NUP88: variants seen among roughly 807,000 people sequenced by gnomAD.
NUP88 encodes nuclear pore complex protein Nup88.
A neutral mutation model predicts 93.9 loss-of-function variants in NUP88; 57 were observed. The ratio of observed to expected loss-of-function variants is 0.61; its 90% CI spans 0.49 to 0.76. The LOEUF is 0.76. Among genes scored for constraint, NUP88 ranks in the 30% least tolerant of loss-of-function variants. The pLI, the probability that NUP88 is intolerant of heterozygous loss-of-function variation, is 0.00. For synonymous variants in NUP88, 346 were observed against 336.8 expected, an observed-to-expected ratio of 1.03 and a Z score of -0.30; for missense variants, 911 against 901.0, an observed-to-expected ratio of 1.01 and a Z score of -0.14.
intron 5 of NUP88, among the ~76,000 whole-genome samples, chr17:5,405,698 G>C (rs1913451792): frequency 6.6e-6 from 1 of 152,166 alleles, no homozygotes; most frequent in Non-Finnish European, 1.5e-5. Flanking sequence ...GGTCACCTGT[G>C]AGATTTGCTA....
chr17:5,416,629 G>C lies in NUP88; in HGVS notation c.351C>G (p.Ser117Arg). The change falls in exon 2 of 17, where the codon AGC (serine) becomes AGG (arginine). Residue 117 changes from serine (S) to arginine (R), a missense_variant. Ser to Arg is a moderately radical substitution (Grantham distance 110). Coordinates refer to ENST00000573584, the MANE Select transcript of NUP88 (RefSeq NM_002532.6). ...PLFEIYQVLL[S>R]PTQHHVALIG... ...TAAGTGCTACATGATGTTGTGTTGG[G>C]CTTAACAAGACTTGATAGATTTCAA... is the stretch of plus-strand genomic sequence containing the variant. 1 of 1,611,892 alleles carries C rather than the reference G, an allele frequency of 6.2e-7. No individual in the cohort carries two copies. Among genetic ancestry groups the C allele is most frequent in the Non-Finnish European group, 8.5e-7 (1 of 1,179,292 alleles).
intron 2 of NUP88, among the ~76,000 whole-genome samples, chr17:5,414,950 G>C (rs774383060): frequency 6.6e-6 from 1 of 151,468 alleles, no homozygotes; most frequent in Non-Finnish European, 1.5e-5. Flanking sequence ...TTGGGCTACA[G>C]AGCCAGACTC....
Position 5,408,721 on chromosome 17 carries a change from A to AC in NUP88, c.857+11dup, listed in dbSNP as rs561706177. ...GAGTTTTCATTTCAGGTGGGTGACC[A>AC]CCTCAACTTACCTGTGTAACAGACT... On this transcript the variant is annotated intron_variant, in intron 5 of 16. Coordinates refer to ENST00000573584, the MANE Select transcript of NUP88 (RefSeq NM_002532.6). The AC allele has an allele frequency of 1.7e-3, 2,680 of 1,569,664 alleles. 6 individuals carry two copies. Among genetic ancestry groups the AC allele is most frequent in the Non-Finnish European group, 1.4e-3 (1,571 of 1,159,510 alleles).
intron 7 of NUP88, among the ~76,000 whole-genome samples, chr17:5,399,961 C>T (rs967782899): frequency 6.6e-6 from 1 of 151,942 alleles, no homozygotes; most frequent in East Asian, 1.9e-4. Flanking sequence ...GTTATGTTTA[C>T]ACTATGCAGA....
In NUP88 at chr17:5,394,953, T is replaced by A. The variant is rs1322209131; in HGVS notation, c.1320A>T (p.Glu440Asp). The A allele has an allele frequency of 1.1e-5, 17 of 1,612,528 alleles. No homozygotes were observed. The highest frequency in any genetic ancestry group is 1.4e-5 in the Non-Finnish European group (17 of 1,178,556). Residue 440 changes from glutamate (E) to aspartate (D), a missense_variant, in exon 9 of 17, where the codon GAA (glutamate) becomes GAT (aspartate). Glu to Asp is a conservative substitution (Grantham distance 45). Coordinates refer to ENST00000573584, the MANE Select transcript of NUP88 (RefSeq NM_002532.6). ...SDEEDKDSLQ[E>D]LSTEQKCFVE... The stretch of plus-strand genomic sequence containing the variant: ...CAAAGCATTTCTGTTCTGTAGAGAG[T>A]TCCTGTAAACTATCCTTATCTTCTT...
intron 9 of NUP88, among the ~76,000 whole-genome samples, 173 bp downstream of exon 9, chr17:5,394,718 A>AG (rs909094087): frequency 3.3e-5 from 5 of 152,196 alleles, no homozygotes; most frequent in Non-Finnish European, 7.3e-5. Context: ...GTGGCCCTGG[A>AG]GAGGAGAAAG....
At chr17:5,413,031 C>T (rs1391886144) in intron 3 of NUP88, among the ~76,000 whole-genome samples, 1 of 152,208 alleles carries the variant, frequency 6.6e-6, no homozygotes, top group Admixed American at 6.5e-5. Flanking sequence ...AAATAGCTTT[C>T]GACATTCTTA....
At chr17:5,396,609 T>G (rs914589076) in intron 8 of NUP88, among the ~76,000 whole-genome samples, 3 of 152,228 alleles carry the variant, frequency 2.0e-5, no homozygotes, top group Non-Finnish European at 4.4e-5. Flanking sequence ...GTACCAGTAT[T>G]TGTGTGGATA....
chr17:5,411,230 A>G (rs565413901), intron 3 of NUP88, among the ~76,000 whole-genome samples: 6 of 152,276 alleles, frequency 3.9e-5, no homozygotes, highest in South Asian at 2.1e-4. Context: ...AGAGTGAGTG[A>G]TATTTAGCCT....
intron 7 of NUP88, among the ~76,000 whole-genome samples, chr17:5,399,921 A>C (rs1381589895): frequency 6.6e-6 from 1 of 152,182 alleles, no homozygotes; most frequent in African/African-American, 2.4e-5. Flanking sequence ...TGAGTCACAC[A>C]AATCTTTTGG....
In NUP88 at chr17:5,416,668, T is replaced by C; in HGVS notation, c.312A>G (p.Ile104Met). 1.9e-6 allele frequency: 3 copies of C among 1,605,498 alleles called. No homozygotes were observed. Among genetic ancestry groups the C allele is most frequent in the Non-Finnish European group, 2.5e-6 (3 of 1,177,966 alleles). ...GATAGATTTCAAACAGGGGTGGATT[T>C]ATGCAAAGCAATCTCTGAAAATTAG... ...ALSQYQRLLCINPPLFEIYQV... is the reference protein window; with the variant it reads ...ALSQYQRLLCMNPPLFEIYQV... The change falls in exon 2 of 17, where the codon ATA becomes ATG. Residue 104 changes from isoleucine (I) to methionine (M), a missense_variant. Physicochemically the swap from Ile to Met is conservative, Grantham distance 10. Coordinates refer to ENST00000573584, the MANE Select transcript of NUP88 (RefSeq NM_002532.6).
At chr17:5,394,002 T>C (rs1167055600) in intron 9 of NUP88, among the ~76,000 whole-genome samples, 1 of 151,912 alleles carries the variant, frequency 6.6e-6, no homozygotes, top group Non-Finnish European at 1.5e-5. Context: ...TTCAGAAAAA[T>C]GGGACACAGG....
At chr17:5,414,600 A>C (rs942677980) in intron 2 of NUP88, among the ~76,000 whole-genome samples, 6 of 152,154 alleles carry the variant, frequency 3.9e-5, no homozygotes, top group African/African-American at 1.4e-4. Context: ...ATCAATATCA[A>C]AGAATTGAAA....
rs773285445 is a variant in NUP88, at chr17:5,399,618, G to A, written c.1225C>T (p.His409Tyr). The change falls in exon 8 of 17, where the codon CAT becomes TAT. Residue 409 changes from histidine (H) to tyrosine (Y), a missense_variant. Coordinates refer to ENST00000573584, the MANE Select transcript of NUP88 (RefSeq NM_002532.6). ...CCAACACTATGTACACCAGCTTCAT[G>A]AGTACAGTGATATCTTGAAGGACAC... ...PKCPSRYHCT[H>Y]EAGVHSVGLT... 6.2e-7 allele frequency: 1 copy of A among 1,606,908 alleles called. No homozygotes were observed. The highest frequency in any genetic ancestry group is 1.3e-5 in the African/African-American group (1 of 74,718).
At chr17:5,410,603 T>C in intron 4 of NUP88, 100 bp downstream of exon 4, 1 of 709,494 alleles carries the variant, frequency 1.4e-6, no homozygotes, top group Non-Finnish European at 2.5e-6. Context: ...ACCAAAAGCA[T>C]GCTAGTCACC....
At position 5,408,810 on chromosome 17, in the gene NUP88, A is replaced by T; in HGVS notation, c.780T>A (p.Asp260Glu). Reference protein sequence around the residue: ...PKTLFGQNGKDEVVAYPLYIL... With the variant: ...PKTLFGQNGKEEVVAYPLYIL... ...TGTACAGTGGGTATGCCACTACTTCATCTTTGCCGTTTTGTCCAAATAGAG... is the reference window on the plus strand; with the variant it reads ...TGTACAGTGGGTATGCCACTACTTCTTCTTTGCCGTTTTGTCCAAATAGAG... Residue 260 changes from aspartate to glutamate, a missense_variant, in exon 5 of 17, where the codon GAT (aspartate) becomes GAA (glutamate). By Grantham distance (45) the Asp-to-Glu change is conservative. Coordinates refer to ENST00000573584, the MANE Select transcript of NUP88 (RefSeq NM_002532.6). The T allele has an allele frequency of 6.2e-7, 1 of 1,614,108 alleles. No homozygotes were observed. The highest frequency in any genetic ancestry group is 8.5e-7 in the Non-Finnish European group (1 of 1,179,968).
rs772239332 is a variant in NUP88 at position 5,419,634 on chromosome 17, C to T, written c.17G>A (p.Gly6Glu). Residue 6 changes from glycine to glutamate, a missense_variant, in exon 1 of 17, where the codon GGA (glycine) becomes GAA (glutamate). Transcript: ENST00000573584. MAAAE[G>E]PVGDGELWQT... is the part of the protein sequence containing the mutation. Reference sequence around the variant, plus strand: ...CCACAGCTCGCCGTCGCCCACCGGTCCCTCGGCGGCCGCCATCTTGGCCCA... The same window carrying T: ...CCACAGCTCGCCGTCGCCCACCGGTTCCTCGGCGGCCGCCATCTTGGCCCA... The T allele has an allele frequency of 4.4e-6, 7 of 1,590,658 alleles. No individual in the cohort carries two copies. The Admixed American group carries it at 5.0e-5, about 11-fold the overall frequency.
chr17:5,404,987 A>C, intron 6 of NUP88, 70 bp downstream of exon 6: 1 of 1,265,698 alleles, frequency 7.9e-7, no homozygotes, highest in South Asian at 1.5e-5. Context: ...TCATATATTA[A>C]GCATTCATAT....
chr17:5,399,725 A>C, intron 7 of NUP88, 75 bp from the exon 8 acceptor site: 1 of 710,848 alleles, frequency 1.4e-6, no homozygotes, highest in Non-Finnish European at 2.5e-6. Flanking sequence ...TTTGTTGGCT[A>C]CTCCACATTA....
Sources: gnomAD v4.1 joint callset for allele counts (sites outside exome capture counted in the v4.1 genomes callset) on GRCh38, gnomAD v4.1.1 for gene constraint, MANE v1.5 for transcripts, NCBI Gene and HGNC (gene_info 2026-07-23, HGNC 2026-07-21) for gene names.